Variants in USP9X observed in about 807,000 individuals in gnomAD.
USP9X encodes ubiquitin carboxyl-terminal hydrolase 9X.
A neutral mutation model predicts 190.3 loss-of-function variants in USP9X; 7 were observed. The ratio of observed to expected loss-of-function variants is 0.04; its 90% CI spans 0.02 to 0.07. The LOEUF (loss-of-function observed/expected upper bound fraction) is 0.07, where lower values mean the gene tolerates loss of function less well. Among genes scored for constraint, USP9X ranks in the 10% least tolerant of loss-of-function variants. The pLI is 1.00. For synonymous variants in USP9X, 645 were observed against 659.5 expected (o/e 0.98, Z 0.34); for missense variants, 1,010 against 1,916.9 (o/e 0.53, Z 8.83).
chrX:41,148,683 C>A, intron 12 of USP9X, 108 bp downstream of exon 12: 2 of 800,941 alleles, frequency 2.5e-6, no homozygotes, highest in Non-Finnish European at 1.8e-6. Context: ...TTTAAATGAT[C>A]TTCCGGAGTT....
At chrX:41,145,861 G>GATA (rs1402963890) in intron 11 of USP9X, among the ~76,000 whole-genome samples, 1 of 112,123 alleles carries the variant, frequency 8.9e-6, no homozygotes, top group East Asian at 2.8e-4. Flanking sequence ...AAGTTTCACA[G>GATA]ATAAGTCTTA....
chrX:41,114,645 A>G (rs2062133871), intron 1 of USP9X, among the ~76,000 whole-genome samples: 1 of 107,297 alleles, frequency 9.3e-6, no homozygotes, highest in South Asian at 4.2e-4. Context: ...ACACCTGGCT[A>G]ATTTTTTTTG....
At chrX:41,186,012 T>TA (rs2062871448) in intron 23 of USP9X, among the ~76,000 whole-genome samples, 1 of 111,855 alleles carries the variant, frequency 8.9e-6, no homozygotes, top group Non-Finnish European at 1.9e-5. Context: ...GTAATGAAAT[T>TA]AATCTGTCAC....
rs757911199 is a variant in USP9X, at chrX:41,141,538, G to C, written c.1161+107G>C. The stretch of plus-strand genomic sequence containing the variant: ...TAATAGTAACATTTTAAAGTAAACT[G>C]AAATTGGGAGGTGTTTTGATTGATT... On this transcript the variant is annotated intron_variant, in intron 9 of 44. Coordinates refer to ENST00000378308, the MANE Select transcript of USP9X (RefSeq NM_001039591.3). 20 of 789,940 alleles carry C rather than the reference G, an allele frequency of 2.5e-5. No homozygotes were observed. In the African/African-American group the frequency reaches 4.1e-4, roughly 16 times the overall value. 65.1% of individuals were successfully genotyped at this position (789,940 alleles called of 1,213,427 possible).
chrX:41,090,753 T>C (rs57554086), intron 1 of USP9X, among the ~76,000 whole-genome samples: 21,568 of 111,149 alleles, frequency 0.19, 1,593 homozygotes, highest in Admixed American at 0.27. Flanking sequence ...AGTACTCTTG[T>C]TTGAGTTTCG....
At chrX:41,178,864 A>G (rs761311218) in intron 21 of USP9X, among the ~76,000 whole-genome samples, 1 of 111,490 alleles carries the variant, frequency 9.0e-6, no homozygotes, top group Non-Finnish European at 1.9e-5. Context: ...TAAGTTTTTA[A>G]CCCATCTTGA....
intron 6 of USP9X, among the ~76,000 whole-genome samples, chrX:41,137,875 A>G (rs1260684947): frequency 1.8e-5 from 2 of 109,840 alleles, no homozygotes; most frequent in Admixed American, 1.9e-4. Flanking sequence ...TTCTTTTTAA[A>G]TTTTACTTTT....
At chrX:41,114,248 C>T (rs376361535) in intron 1 of USP9X, among the ~76,000 whole-genome samples, 1 of 111,503 alleles carries the variant, frequency 9.0e-6, no homozygotes, top group Non-Finnish European at 1.9e-5. Context: ...GGCGAACAGG[C>T]TCCCAAGAAG....
intron 14 of USP9X, among the ~76,000 whole-genome samples, chrX:41,153,925 T>C (rs1330509158): frequency 1.8e-5 from 2 of 112,137 alleles, no homozygotes; most frequent in African/African-American, 6.5e-5. Context: ...GCCCATAGTG[T>C]ATGTTAAAAA....
chrX:41,201,338 T>G (rs1381280533), intron 31 of USP9X, 58 bp downstream of exon 31: 3 of 1,057,968 alleles, frequency 2.8e-6, no homozygotes, highest in East Asian at 6.1e-5. Flanking sequence ...CCAGATACTA[T>G]TCTCTCTTAA....
rs1413001555 is a variant in USP9X at position 41,140,681 on chromosome X, A to G, written c.680A>G (p.Lys227Arg). 1 of 1,204,845 alleles carries G rather than the reference A, an allele frequency of 8.3e-7. No homozygotes were observed. The highest frequency in any genetic ancestry group is 1.8e-5 in the African/African-American group (1 of 56,858). The change falls in exon 7 of 45, where the codon AAA becomes AGA. Residue 227 changes from lysine to arginine, a missense_variant. By Grantham distance (26) the Lys-to-Arg change is conservative (BLOSUM62 2). Around this residue, in one of 11 missense-constraint regions of USP9X, gnomAD observed 176 missense variants for 247.5 expected, o/e 0.71. Transcript: ENST00000378308. ...GGTTGGCTAGTGGATCTTCTCAACAAATTTGGCACTTTAAATGGGTTCCAG... is the reference window on the plus strand; with the variant it reads ...GGTTGGCTAGTGGATCTTCTCAACAGATTTGGCACTTTAAATGGGTTCCAG... ...PKGWLVDLLN[K>R]FGTLNGFQIL...
intron 6 of USP9X, among the ~76,000 whole-genome samples, chrX:41,139,362 T>C (rs1222489665): frequency 8.9e-6 from 1 of 112,153 alleles, no homozygotes; most frequent in Non-Finnish European, 1.9e-5. Context: ...TTTAAAACCA[T>C]ATAAAAACTA....
chrX:41,108,400 C>T (rs2062085047), intron 1 of USP9X, among the ~76,000 whole-genome samples: 1 of 111,550 alleles, frequency 9.0e-6, no homozygotes, highest in African/African-American at 3.3e-5. Flanking sequence ...CAGTTAAATT[C>T]TCATGCTTTC....
Position 41,170,188 on chromosome X carries a change from G to A in USP9X, c.2830G>A (p.Ala944Thr), listed in dbSNP as rs767219174. 69 of 1,209,487 alleles carry A rather than the reference G, an allele frequency of 5.7e-5. No homozygotes were observed. The highest frequency in any genetic ancestry group is 7.6e-5 in the Non-Finnish European group (68 of 894,861). The change falls in exon 19 of 45, where the codon GCA becomes ACA. Residue 944 changes from alanine to threonine, a missense_variant. By Grantham distance (58) the Ala-to-Thr change is moderately conservative (BLOSUM62 0). Transcript: ENST00000378308. ...TGTGGGCGGTGAGCTGATAGATCCT[G>A]CAGATGATAGAAAGTTGATTGGACA... ...LFVGGELIDPADDRKLIGQLN... is the reference protein window; with the variant it reads ...LFVGGELIDPTDDRKLIGQLN...
chrX:41,160,938 G>T (rs994158718), intron 14 of USP9X, among the ~76,000 whole-genome samples: 2 of 111,485 alleles, frequency 1.8e-5, no homozygotes, highest in Non-Finnish European at 3.8e-5. Flanking sequence ...GCTCCTCCGA[G>T]GGGGTGGAGG....
Position 41,134,800 on chromosome X carries a change from C to G in USP9X, c.398C>G (p.Thr133Arg). The change falls in exon 5 of 45, where the codon ACA (threonine) becomes AGA (arginine). Residue 133 changes from threonine (T) to arginine (R), a missense_variant. Transcript: ENST00000378308. ...ACAATATCATTCACTAAAATTCTTA[C>G]AGATGAAGCAGTGAGTGGCTGGAAG... Reference protein sequence around the residue: ...GLTISFTKILTDEAVSGWKFE... With the variant: ...GLTISFTKILRDEAVSGWKFE... The G allele has an allele frequency of 8.3e-7, 1 of 1,209,784 alleles. No homozygotes were observed. The highest frequency in any genetic ancestry group is 1.1e-6 in the Non-Finnish European group (1 of 894,338).
chrX:41,196,159 C>T, intron 26 of USP9X, 92 bp from the exon 27 acceptor site: 3 of 1,011,404 alleles, frequency 3.0e-6, no homozygotes, highest in Non-Finnish European at 4.1e-6. Flanking sequence ...CTTTTATACT[C>T]CCCCCACCTC....
intron 14 of USP9X, among the ~76,000 whole-genome samples, chrX:41,160,778 C>T (rs934363947): frequency 3.6e-5 from 4 of 111,895 alleles, no homozygotes; most frequent in African/African-American, 9.7e-5. Flanking sequence ...TCAAAGAACA[C>T]AAAGGATGAT....
intron 32 of USP9X, among the ~76,000 whole-genome samples, chrX:41,207,560 C>T (rs935594798): frequency 8.9e-6 from 1 of 111,966 alleles, no homozygotes; most frequent in East Asian, 2.8e-4. Context: ...TAAGTCAGTA[C>T]TACGTCATGC....
Sources: gnomAD v4.1 joint callset for allele counts (sites outside exome capture counted in the v4.1 genomes callset) on GRCh38, gnomAD v4.1.1 for gene constraint, gnomAD v4.1.1 regional missense constraint, MANE v1.5 for transcripts, NCBI Gene and HGNC (gene_info 2026-07-23, HGNC 2026-07-21) for gene names.